Variants in RBL1 observed in about 807,000 individuals in gnomAD.
The protein encoded by RBL1 is RB transcriptional corepressor like 1, also known as retinoblastoma-like protein 1.
Under a neutral mutation model 123.0 loss-of-function variants are expected in RBL1, and 82 were observed. The observed-to-expected ratio is 0.67, with a 90% CI of 0.56 to 0.80. The LOEUF (loss-of-function observed/expected upper bound fraction) is 0.80, where lower values mean the gene tolerates loss of function less well. RBL1 is among the 30% of genes least tolerant of loss of function. The pLI, the probability that RBL1 is intolerant of heterozygous loss-of-function variation, is 0.00. For synonymous variants in RBL1, 405 were observed against 441.3 expected, an observed-to-expected ratio of 0.92 and a Z score of 1.03; for missense variants, 1,171 against 1,299.6, an observed-to-expected ratio of 0.90 and a Z score of 1.52.
At chr20:37,007,353 T>G in intron 20 of RBL1, 58 bp downstream of exon 20, 1 of 1,557,830 alleles carries the variant, frequency 6.4e-7, no homozygotes, top group Non-Finnish European at 8.7e-7. Flanking sequence ...CAAAATAAAC[T>G]TATAGTAATC....
At chr20:37,011,642 C>G (rs1053816792) in intron 19 of RBL1, among the ~76,000 whole-genome samples, 12 of 151,768 alleles carry the variant, frequency 7.9e-5, no homozygotes, top group Admixed American at 7.9e-4. Context: ...ACCATGTCGG[C>G]AAGACTGGTC....
At chr20:37,094,789 C>T (rs568933576) in intron 1 of RBL1, among the ~76,000 whole-genome samples, 1 of 152,308 alleles carries the variant, frequency 6.6e-6, no homozygotes, top group African/African-American at 2.4e-5. Flanking sequence ...GCAGGCGCCA[C>T]CACACCCAGC....
At chr20:37,022,458 C>G (rs2064355889) in intron 17 of RBL1, among the ~76,000 whole-genome samples, 192 bp downstream of exon 17, 1 of 152,134 alleles carries the variant, frequency 6.6e-6, no homozygotes, top group African/African-American at 2.4e-5. Context: ...TCCCAAGTAG[C>G]TGGGCCTATA....
chr20:37,051,530 G>T (rs1056817127), intron 11 of RBL1, among the ~76,000 whole-genome samples: 1 of 151,972 alleles, frequency 6.6e-6, no homozygotes, highest in African/African-American at 2.4e-5. Flanking sequence ...AATCAATTAT[G>T]AGTCTAAAAT....
chr20:37,043,050 T>C (rs1416354603), intron 13 of RBL1, among the ~76,000 whole-genome samples: 1 of 152,094 alleles, frequency 6.6e-6, no homozygotes, highest in Non-Finnish European at 1.5e-5. Context: ...GGCTCACACT[T>C]GCAATTCTAG....
chr20:37,074,330 C>T (rs1193912489), intron 2 of RBL1, among the ~76,000 whole-genome samples: 6 of 150,144 alleles, frequency 4.0e-5, no homozygotes, highest in African/African-American at 1.5e-4. Flanking sequence ...AGGCAGATCG[C>T]TTGAGCCTGG....
chr20:37,043,187 A>AG (rs2064761891), intron 13 of RBL1, among the ~76,000 whole-genome samples: 1 of 112,626 alleles, frequency 8.9e-6, no homozygotes, highest in Non-Finnish European at 1.9e-5. Context: ...CACACACACA[A>AG]TTAGCCGGGT....
intron 19 of RBL1, among the ~76,000 whole-genome samples, chr20:37,017,184 G>A (rs2064270148): frequency 6.6e-6 from 1 of 151,942 alleles, no homozygotes; most frequent in South Asian, 2.1e-4. Flanking sequence ...ACCAGCCTGA[G>A]CAAACATGGC....
chr20:37,032,816 T>G lies in RBL1; in HGVS notation c.2231A>C (p.Glu744Ala). 1.9e-6 allele frequency: 3 copies of G among 1,614,072 alleles called. No individual in the cohort carries two copies. The highest frequency in any genetic ancestry group is 2.5e-6 in the Non-Finnish European group (3 of 1,179,984). The change falls in exon 16 of 22, where the codon GAG becomes GCG. Residue 744 changes from glutamate to alanine, a missense_variant. Glu to Ala is a moderately radical substitution (Grantham distance 107, BLOSUM62 -1). Coordinates refer to ENST00000373664, the MANE Select transcript of RBL1 (RefSeq NM_002895.5). ...LIPLSMNTNQ[E>A]SKVKSPVSLT... ...TGATACAGGACTCTTGACTTTGGAC[T>G]CCTGATTTGTATTCATGGAAAGAGG...
intron 20 of RBL1, among the ~76,000 whole-genome samples, chr20:37,005,006 ACTC>A (rs776419415): frequency 7.9e-5 from 12 of 151,814 alleles, no homozygotes; most frequent in Non-Finnish European, 1.5e-4. Flanking sequence ...ATGTCACTGC[ACTC>A]CTCCTGGGGT....
chr20:37,064,978 C>T (rs2065156385), intron 7 of RBL1, among the ~76,000 whole-genome samples: 2 of 148,914 alleles, frequency 1.3e-5, no homozygotes, highest in South Asian at 4.2e-4. Flanking sequence ...GTCACCTAGA[C>T]TGAAGTGCAG....
At chr20:37,028,894 G>A (rs910799147) in intron 16 of RBL1, among the ~76,000 whole-genome samples, 4 of 152,088 alleles carry the variant, frequency 2.6e-5, no homozygotes, top group Non-Finnish European at 5.9e-5. Context: ...GCCAGACAAA[G>A]AAAGCATAAG....
intron 21 of RBL1, among the ~76,000 whole-genome samples, chr20:37,000,140 C>A (rs370914326): frequency 6.7e-6 from 1 of 149,728 alleles, no homozygotes; most frequent in Admixed American, 6.6e-5. Context: ...TCTGCCCGGC[C>A]GCCCCGTCTG....
At chr20:37,023,758 A>G (rs572949585) in intron 16 of RBL1, among the ~76,000 whole-genome samples, 2 of 149,686 alleles carry the variant, frequency 1.3e-5, no homozygotes, top group Admixed American at 1.4e-4. Context: ...TTCCTAAACC[A>G]GACTATTCTA....
chr20:37,061,411 T>C (rs1442087612), intron 8 of RBL1, 142 bp from the exon 9 acceptor site: 25 of 1,199,362 alleles, frequency 2.1e-5, no homozygotes, highest in African/African-American at 4.7e-5. Context: ...ATAACATCCT[T>C]ATATTTGAAT....
At chr20:37,024,199 T>C (rs1279449608) in intron 16 of RBL1, among the ~76,000 whole-genome samples, 1 of 152,108 alleles carries the variant, frequency 6.6e-6, no homozygotes. Flanking sequence ...AGCTACTCAG[T>C]GATCTAATAT....
At chr20:37,066,681 G>C (rs762883785) in intron 6 of RBL1, 43 bp downstream of exon 6, 1 of 1,547,382 alleles carries the variant, frequency 6.5e-7, no homozygotes, top group Admixed American at 1.9e-5. Flanking sequence ...CACATTACTG[G>C]TGATCTGTAA....
chr20:37,051,471 G>A (rs1480079009), intron 11 of RBL1, among the ~76,000 whole-genome samples: 1 of 152,140 alleles, frequency 6.6e-6, no homozygotes, highest in Non-Finnish European at 1.5e-5. Flanking sequence ...GTAAGCCACA[G>A]CACCTGGCCT....
intron 14 of RBL1, among the ~76,000 whole-genome samples, chr20:37,038,075 T>A (rs2064655163): frequency 7.3e-6 from 1 of 136,154 alleles, no homozygotes; most frequent in Admixed American, 8.4e-5. Flanking sequence ...CACTGCAAAC[T>A]CCATCCCTTG....
Sources: gnomAD v4.1 joint callset for allele counts (sites outside exome capture counted in the v4.1 genomes callset) on GRCh38, gnomAD v4.1.1 for gene constraint, MANE v1.5 for transcripts, NCBI Gene and HGNC (gene_info 2026-07-23, HGNC 2026-07-21) for gene names.